The following NRG3 variants were observed in gnomAD, a reference collection of about 807,000 sequenced individuals.
NRG3 encodes neuregulin 3, also known as pro-neuregulin-3, membrane-bound isoform.
NRG3 carries 31 observed loss-of-function variants against 66.9 expected under a neutral mutation model. The observed-to-expected ratio is 0.46, with a 90% CI of 0.35 to 0.63. NRG3 has a LOEUF of 0.63. Ranked by LOEUF, NRG3 falls within the 20% of genes least tolerant of loss-of-function variation. The pLI, the probability that NRG3 is intolerant of heterozygous loss-of-function variation, is 0.00. For missense variants in NRG3, 910 were observed against 878.9 expected (o/e 1.04, Z -0.45); for synonymous variants, 393 against 359.4 (o/e 1.09, Z -1.06).
rs937521976 is a variant in NRG3, at chr10:82,588,607, A to G, written c.954-149970A>G. 3.3e-5 allele frequency among the ~76,000 whole-genome samples: 5 copies of G among 152,040 alleles called. No homozygotes were observed. The East Asian group carries it at 9.7e-4, about 30-fold the overall frequency. On this transcript the variant is annotated intron_variant, in intron 2 of 8. Coordinates refer to ENST00000372141, the MANE Select transcript of NRG3 (RefSeq NM_001010848.4). ...AAGCTCCGCCTCCCGGGTTCAAGCA[A>G]TTCTCCTGCCTCAGCCTCCCGAGTA...
At chr10:81,934,753 G>A (rs563546644) in intron 1 of NRG3, among the ~76,000 whole-genome samples, 134 of 152,056 alleles carry the variant, frequency 8.8e-4, no homozygotes, top group Non-Finnish European at 1.5e-3. Context: ...TGGTAATTTT[G>A]TTTCTACTCT....
intron 1 of NRG3, among the ~76,000 whole-genome samples, chr10:82,117,361 A>G (rs2067792200): frequency 6.6e-6 from 1 of 152,108 alleles, no homozygotes; most frequent in Non-Finnish European, 1.5e-5. Context: ...CTCTATGGGG[A>G]TAAATTAATT....
At chr10:82,370,360 G>T (rs1004280461) in intron 2 of NRG3, among the ~76,000 whole-genome samples, 1 of 137,784 alleles carries the variant, frequency 7.3e-6, no homozygotes, top group Non-Finnish European at 1.5e-5. Context: ...ACCCCCTGCT[G>T]AACTCCCCTC....
chr10:82,536,457 C>T (rs1413282767), intron 2 of NRG3, among the ~76,000 whole-genome samples: 1 of 152,120 alleles, frequency 6.6e-6, no homozygotes, highest in Non-Finnish European at 1.5e-5. Context: ...CATATTTTCC[C>T]TTTTGCTTTT....
At chr10:82,573,848 C>T (rs2133142694) in intron 2 of NRG3, among the ~76,000 whole-genome samples, 1 of 151,646 alleles carries the variant, frequency 6.6e-6, no homozygotes, top group African/African-American at 2.4e-5. Context: ...TGGAAGAGAC[C>T]TCAAAAAAGG....
intron 4 of NRG3, among the ~76,000 whole-genome samples, chr10:82,944,954 G>C (rs140741088): frequency 1.9e-3 from 291 of 152,212 alleles, no homozygotes; most frequent in African/African-American, 6.6e-3. Flanking sequence ...TGTTTCATCA[G>C]GCTTCCATTT....
chr10:82,737,762 G>A (rs961948710), intron 2 of NRG3, among the ~76,000 whole-genome samples: 1 of 152,148 alleles, frequency 6.6e-6, no homozygotes, highest in African/African-American at 2.4e-5. Flanking sequence ...TGCTGTCCGA[G>A]GTGGCCAAGC....
chr10:82,501,168 A>G (rs1844145775), intron 2 of NRG3, among the ~76,000 whole-genome samples: 1 of 152,092 alleles, frequency 6.6e-6, no homozygotes, highest in African/African-American at 2.4e-5. Flanking sequence ...AGATCAGGAC[A>G]TTGGTGATGT....
intron 2 of NRG3, among the ~76,000 whole-genome samples, chr10:82,693,712 G>A (rs939931119): frequency 1.3e-5 from 2 of 152,172 alleles, no homozygotes; most frequent in Admixed American, 6.5e-5. Flanking sequence ...GCTCTTAAAG[G>A]TGGTGCATCC....
At chr10:82,642,897 C>T (rs1241981670) in intron 2 of NRG3, among the ~76,000 whole-genome samples, 2 of 150,138 alleles carry the variant, frequency 1.3e-5, no homozygotes, top group African/African-American at 4.9e-5. Flanking sequence ...TATACATACA[C>T]ATATATATAT....
intron 2 of NRG3, among the ~76,000 whole-genome samples, chr10:82,616,287 T>C (rs1157839567): frequency 1.3e-5 from 2 of 152,228 alleles, no homozygotes; most frequent in African/African-American, 4.8e-5. Flanking sequence ...AAACCTTAGA[T>C]ATAAATACTG....
rs375072266 is a variant in NRG3 at position 82,762,793 on chromosome 10, G to A, written c.1027+24143G>A. 2.7e-4 allele frequency among the ~76,000 whole-genome samples: 41 copies of A among 152,182 alleles called. No individual in the cohort carries two copies. In the East Asian group the frequency reaches 2.9e-3, roughly 11 times the overall value. ...GTCAACTAGCTTTTTGTTTAGTCAC[G>A]CATAGTATGCTGTGGTTTGAATGTG... On this transcript the variant is annotated intron_variant, in intron 3 of 8. Coordinates refer to ENST00000372141, the MANE Select transcript of NRG3 (RefSeq NM_001010848.4).
At chr10:82,152,807 CCT>C (rs796578780) in intron 1 of NRG3, among the ~76,000 whole-genome samples, 3 of 150,630 alleles carry the variant, frequency 2.0e-5, no homozygotes, top group African/African-American at 7.3e-5. Context: ...CCCACCCTCC[CCT>C]CTCTCTCTCT....
At chr10:82,187,166 G>A (rs1486410108) in intron 1 of NRG3, among the ~76,000 whole-genome samples, 1 of 152,130 alleles carries the variant, frequency 6.6e-6, no homozygotes, top group East Asian at 1.9e-4. Context: ...AAGATGATAA[G>A]CATTCCTTAG....
chr10:82,136,362 G>A (rs1371805046), intron 1 of NRG3, among the ~76,000 whole-genome samples: 1 of 152,066 alleles, frequency 6.6e-6, no homozygotes, highest in African/African-American at 2.4e-5. Context: ...CAAGGCCCAA[G>A]GGCTCTTCAT....
chr10:82,653,716 A>G (rs2051618525), intron 2 of NRG3, among the ~76,000 whole-genome samples: 1 of 151,988 alleles, frequency 6.6e-6, no homozygotes, highest in South Asian at 2.1e-4. Context: ...AGTAATAGGA[A>G]CAGAGGGGGA....
intron 8 of NRG3, among the ~76,000 whole-genome samples, chr10:82,983,562 G>C (rs1207732145): frequency 6.6e-6 from 1 of 152,264 alleles, no homozygotes; most frequent in African/African-American, 2.4e-5. Flanking sequence ...TAAATTCTCT[G>C]TGTGACACAT....
intron 2 of NRG3, among the ~76,000 whole-genome samples, chr10:82,571,314 A>G (rs2045721312): frequency 6.6e-6 from 1 of 151,666 alleles, no homozygotes; most frequent in Non-Finnish European, 1.5e-5. Context: ...AAATAATTTT[A>G]GAGAAAAAAT....
chr10:82,510,287 A>G (rs1185298821), intron 2 of NRG3, among the ~76,000 whole-genome samples: 1 of 152,050 alleles, frequency 6.6e-6, no homozygotes, highest in Non-Finnish European at 1.5e-5. Context: ...TCCATCGTGC[A>G]TCTAGTTAGG....
Sources: allele counts gnomAD v4.1 joint callset (sites outside exome capture counted in the v4.1 genomes callset), GRCh38; gene constraint gnomAD v4.1.1; transcripts MANE v1.5; gene names NCBI Gene and HGNC (gene_info 2026-07-23, HGNC 2026-07-21).